The following DHX32 variants were observed in gnomAD, a reference collection of about 807,000 sequenced individuals.
DHX32 encodes the protein DEAH-box helicase 32 (putative), also known as putative pre-mRNA-splicing factor ATP-dependent RNA helicase DHX32.
Under a neutral mutation model 70.0 loss-of-function variants are expected in DHX32, and 51 were observed. That is an observed-to-expected ratio of 0.73 (90% confidence interval 0.58 to 0.92). DHX32 has a LOEUF of 0.92. Among genes scored for constraint, DHX32 ranks in the 40% least tolerant of loss-of-function variants. The probability of loss-of-function intolerance (pLI) is 0.00; values close to 1 mark genes in which losing one functional copy is unlikely to be tolerated. For synonymous variants in DHX32, 310 were observed against 315.3 expected (o/e 0.98, Z 0.18); for missense variants, 762 against 891.8 (o/e 0.85, Z 1.85).
In DHX32 at chr10:125,880,952, T is replaced by C; in HGVS notation, c.-128A>G. On this transcript the variant is annotated 5_prime_UTR_variant, in exon 1 of 11. Coordinates refer to ENST00000284690, the MANE Select transcript of DHX32 (RefSeq NM_018180.3). ...TATGTTCCAATCTCTAAGACTTCAGTTCAAGGTTTTAGCAAGTTAAATTCC... is the reference window on the plus strand; with the variant it reads ...TATGTTCCAATCTCTAAGACTTCAGCTCAAGGTTTTAGCAAGTTAAATTCC... The C allele has an allele frequency of 1.7e-6, 2 of 1,175,558 alleles. No individual in the cohort carries two copies. The highest frequency in any genetic ancestry group is 2.5e-5 in the Admixed American group (1 of 40,626). 72.8% of individuals were successfully genotyped at this position (1,175,558 alleles called of 1,614,324 possible).
chr10:125,851,969 C>T (rs1304306967), intron 6 of DHX32, among the ~76,000 whole-genome samples: 1 of 151,226 alleles, frequency 6.6e-6, no homozygotes, highest in African/African-American at 2.4e-5. Context: ...ATTCAAGCTG[C>T]TGAGAATTCT....
At chr10:125,877,647 C>A (rs75840489) in intron 1 of DHX32, among the ~76,000 whole-genome samples, 4,071 of 152,280 alleles carry the variant, frequency 0.027, 105 homozygotes, top group Admixed American at 0.058. Context: ...GACTGCCCCA[C>A]TGCATTCCAG....
chr10:125,851,944 AAAG>A (rs1356570302), intron 6 of DHX32, among the ~76,000 whole-genome samples: 4 of 151,548 alleles, frequency 2.6e-5, no homozygotes, highest in Non-Finnish European at 5.9e-5. Context: ...AAAAAAAAGA[AAAG>A]AAAAAAGGAC....
intron 2 of DHX32, among the ~76,000 whole-genome samples, chr10:125,860,633 T>C (rs1342020100): frequency 6.6e-6 from 1 of 152,220 alleles, no homozygotes. Context: ...TTTCCCATAC[T>C]TCTTGGGATG....
chr10:125,854,622 C>T (rs1944130106), intron 3 of DHX32: 1 of 157,104 alleles, frequency 6.4e-6, no homozygotes, highest in African/African-American at 2.4e-5. Flanking sequence ...CAAGGTATCA[C>T]AGGTCACTGA....
intron 3 of DHX32, 136 bp from the exon 4 acceptor site, chr10:125,854,339 C>T: frequency 2.6e-6 from 2 of 769,594 alleles, no homozygotes; most frequent in South Asian, 5.9e-5. Flanking sequence ...TTGCTGCCTA[C>T]ATGTATCTTT....
intron 1 of DHX32, among the ~76,000 whole-genome samples, chr10:125,871,285 AC>A (rs1944254101): frequency 6.6e-6 from 1 of 152,120 alleles, no homozygotes; most frequent in Non-Finnish European, 1.5e-5. Context: ...AAACTATTTC[AC>A]CTATGAGGCA....
In DHX32 at chr10:125,836,453, T is replaced by G; in HGVS notation, c.*234A>C. The G allele has an allele frequency of 6.4e-6, 9 of 1,416,966 alleles. No individual in the cohort carries two copies. The highest frequency in any genetic ancestry group is 7.3e-6 in the Non-Finnish European group (8 of 1,090,280). The allele number at this position is 1,416,966 out of a possible 1,614,324, so 87.8% of individuals were successfully genotyped here. A position where few individuals can be genotyped will look rare whatever the true frequency, so the allele number is the denominator to read the frequency against. ...CAGTTTTTTAAAATTTTGGTCAAAT[T>G]ATGAGTGGTTGATTTAAAAACTTTT... On this transcript the variant is annotated 3_prime_UTR_variant, in exon 11 of 11. Transcript: ENST00000284690.
chr10:125,872,949 T>A (rs1003503423), intron 1 of DHX32, among the ~76,000 whole-genome samples: 1 of 152,204 alleles, frequency 6.6e-6, no homozygotes, highest in Non-Finnish European at 1.5e-5. Context: ...GCAACTGCAG[T>A]TCTACAACTT....
At chr10:125,879,976 A>C (rs991143197) in intron 1 of DHX32, among the ~76,000 whole-genome samples, 5 of 152,210 alleles carry the variant, frequency 3.3e-5, no homozygotes, top group African/African-American at 9.6e-5. Flanking sequence ...CCCTAGGTTT[A>C]TCTCTTAATG....
intron 1 of DHX32, among the ~76,000 whole-genome samples, chr10:125,874,144 A>C (rs891642390): frequency 2.6e-5 from 4 of 152,344 alleles, no homozygotes; most frequent in African/African-American, 9.6e-5. Flanking sequence ...CACCAAAGAC[A>C]GGTGAAATCT....
At chr10:125,859,996 A>G (rs760531753) in intron 2 of DHX32, 21 bp from the exon 3 acceptor site, 1 of 1,512,572 alleles carries the variant, frequency 6.6e-7, no homozygotes, top group East Asian at 2.3e-5. Flanking sequence ...GAAACATTAA[A>G]GTTAGAATAT....
rs762264994 is a variant in DHX32 at position 125,859,685 on chromosome 10, A to G, written c.767T>C (p.Phe256Ser). Residue 256 changes from phenylalanine to serine, a missense_variant, in exon 3 of 11, where the codon TTT (phenylalanine) becomes TCT (serine). Phe to Ser is a radical substitution (Grantham distance 155). This residue lies in a region of DHX32 where 394 missense variants were observed against 473.1 expected (regional missense o/e 0.83). Transcript: ENST00000284690. ...VYLSEAQKDS[F>S]ESILRLIFEI... The stretch of plus-strand genomic sequence containing the variant: ...AAAGATAAGGCGTAAAATAGACTCA[A>G]AAGAATCCTTTTGAGCCTCACTAAG... The G allele has an allele frequency of 1.9e-6, 3 of 1,613,834 alleles. No individual in the cohort carries two copies. Among genetic ancestry groups the G allele is most frequent in the South Asian group, 2.2e-5 (2 of 90,918 alleles).
chr10:125,871,200 C>CATTCCTGGAAGTACAACAAATATACCA (rs1475879570), intron 1 of DHX32, among the ~76,000 whole-genome samples: 1 of 152,182 alleles, frequency 6.6e-6, no homozygotes, highest in Non-Finnish European at 1.5e-5. Flanking sequence ...AAACATTATA[C>CATTCCTGGAAGTACAACAAATATACCA]ATTCCTGGAA....
At position 125,880,879 on chromosome 10, in the gene DHX32, C is replaced by A; in HGVS notation, c.-55G>T. 1 of 1,564,472 alleles carries A rather than the reference C, an allele frequency of 6.4e-7. No homozygotes were observed. The highest frequency in any genetic ancestry group is 8.6e-7 in the Non-Finnish European group (1 of 1,158,758). On this transcript the variant is annotated 5_prime_UTR_variant, in exon 1 of 11. An upstream open reading frame in the 5' UTR loses its in-frame stop. Transcript: ENST00000284690. ...CATTCCACAAGCAAGTTTCTCCTAT[C>A]AGTAACCCATTGCAAACAGGGCTTA... is the stretch of plus-strand genomic sequence containing the variant.
At chr10:125,851,890 C>G (rs959121341) in intron 6 of DHX32, among the ~76,000 whole-genome samples, 1 of 136,826 alleles carries the variant, frequency 7.3e-6, no homozygotes, top group Non-Finnish European at 1.5e-5. Context: ...CACTGTACTC[C>G]AGTTTGAGCA....
At chr10:125,877,149 TG>T (rs1944289226) in intron 1 of DHX32, among the ~76,000 whole-genome samples, 1 of 152,380 alleles carries the variant, frequency 6.6e-6, no homozygotes, top group African/African-American at 2.4e-5. Flanking sequence ...TGCAACTTTT[TG>T]TAAGTTTGAA....
chr10:125,845,298 C>A (rs1157287589), intron 6 of DHX32, among the ~76,000 whole-genome samples: 1 of 152,220 alleles, frequency 6.6e-6, no homozygotes. Context: ...CCAGCCAGGT[C>A]TCTTTTGTTA....
In DHX32 at chr10:125,859,624, T is replaced by C. The variant is rs779766059; in HGVS notation, c.828A>G (p.Val276=). 6.3e-7 allele frequency: 1 copy of C among 1,596,578 alleles called. No individual in the cohort carries two copies. Among genetic ancestry groups the C allele is most frequent in the Non-Finnish European group, 8.5e-7 (1 of 1,172,318 alleles). Residue 276 remains valine (V), a synonymous_variant, in exon 3 of 11, where the codon GTA becomes GTG. Transcript: ENST00000284690. ...IHHSGEKGDI[V]VFLACEQDIE... ...TTACTTGTTCACAGGCCAGAAAGAC[T>C]ACAATGTCACCTTTCTCACCCGAGT...
Sources: allele counts gnomAD v4.1 joint callset (sites outside exome capture counted in the v4.1 genomes callset), GRCh38; gene constraint gnomAD v4.1.1; regional missense constraint gnomAD v4.1.1; transcripts MANE v1.5; gene names NCBI Gene and HGNC (gene_info 2026-07-23, HGNC 2026-07-21).